PLXNA4: variants seen among roughly 807,000 people sequenced by gnomAD.
The protein encoded by PLXNA4 is plexin A4, also known as plexin-A4.
In PLXNA4, 44 loss-of-function variants were observed where a neutral mutation model predicts 191.8. The ratio of observed to expected loss-of-function variants is 0.23; its 90% CI spans 0.18 to 0.29. The LOEUF is 0.29. Among genes scored for constraint, PLXNA4 ranks in the 10% least tolerant of loss-of-function variants. The pLI is 1.00. For synonymous variants in PLXNA4, 1,082 were observed against 1,009.5 expected (o/e 1.07, Z -1.36); for missense variants, 1,800 against 2,488.8 (o/e 0.72, Z 5.89).
intron 4 of PLXNA4, among the ~76,000 whole-genome samples, chr7:132,272,611 T>C (rs1800118665): frequency 6.6e-6 from 1 of 152,246 alleles, no homozygotes; most frequent in Non-Finnish European, 1.5e-5. Context: ...GGGGTTCTTT[T>C]AGTATGATAC....
At chr7:132,149,635 T>TC (rs1795536980) in intron 25 of PLXNA4, among the ~76,000 whole-genome samples, 1 of 152,132 alleles carries the variant, frequency 6.6e-6, no homozygotes, top group African/African-American at 2.4e-5. Context: ...AAGCCAGACG[T>TC]TTGGTTTCCA....
At chr7:132,535,328 C>A (rs895446247) in intron 1 of PLXNA4, among the ~76,000 whole-genome samples, 1 of 152,216 alleles carries the variant, frequency 6.6e-6, no homozygotes, top group Non-Finnish European at 1.5e-5. Context: ...CATTCCCCAA[C>A]TTTGTTGAGG....
chr7:132,145,172 A>G lies in PLXNA4; in HGVS notation c.5172T>C (p.Ala1724=), dbSNP rs138367497. 10 of 1,614,190 alleles carry G rather than the reference A, an allele frequency of 6.2e-6. No individual in the cohort carries two copies. Among genetic ancestry groups the G allele is most frequent in the Non-Finnish European group, 8.5e-6 (10 of 1,180,036 alleles). Residue 1724 remains alanine, a synonymous_variant, in exon 29 of 32, where the codon GCT becomes GCC. Transcript: ENST00000321063. ...GCGGGTCATGAATGCCATGTTTATC[A>G]GCCTGCTCATCCAGGAAGTCAAACA... is the stretch of plus-strand genomic sequence containing the variant. ...KYMFDFLDEQ[A]DKHGIHDPHV... is the part of the protein sequence containing the mutation.
chr7:132,539,099 G>A (rs1254485155), intron 1 of PLXNA4, among the ~76,000 whole-genome samples: 1 of 152,124 alleles, frequency 6.6e-6, no homozygotes, highest in Non-Finnish European at 1.5e-5. Context: ...CCTGCTACAA[G>A]GCCCCAGGAC....
At chr7:132,424,353 T>G (rs1405117303) in intron 3 of PLXNA4, among the ~76,000 whole-genome samples, 1 of 152,218 alleles carries the variant, frequency 6.6e-6, no homozygotes, top group Non-Finnish European at 1.5e-5. Context: ...ACTCTATGGC[T>G]GAAGGGGCTG....
chr7:132,447,200 A>G (rs1795944891), intron 3 of PLXNA4, among the ~76,000 whole-genome samples: 1 of 152,152 alleles, frequency 6.6e-6, no homozygotes, highest in African/African-American at 2.4e-5. Context: ...AGAATGGAAT[A>G]GCGCATCACC....
intron 3 of PLXNA4, among the ~76,000 whole-genome samples, chr7:132,314,435 C>T (rs888074025): frequency 1.6e-4 from 25 of 152,276 alleles, no homozygotes; most frequent in African/African-American, 5.5e-4. Context: ...TGGGTCAGAG[C>T]GTTTAGTCGG....
At chr7:132,168,887 C>A (rs1796200886) in intron 21 of PLXNA4, among the ~76,000 whole-genome samples, 1 of 152,218 alleles carries the variant, frequency 6.6e-6, no homozygotes, top group Non-Finnish European at 1.5e-5. Flanking sequence ...TTGATGAGGG[C>A]CCCTGTGTCA....
chr7:132,347,333 C>A (rs1442424451), intron 3 of PLXNA4, among the ~76,000 whole-genome samples: 1 of 152,160 alleles, frequency 6.6e-6, no homozygotes, highest in East Asian at 1.9e-4. Flanking sequence ...TGACAACCAC[C>A]CAGGCCAAGG....
intron 2 of PLXNA4, among the ~76,000 whole-genome samples, chr7:132,499,714 T>C (rs1052206703): frequency 6.6e-6 from 1 of 152,170 alleles, no homozygotes; most frequent in Non-Finnish European, 1.5e-5. Flanking sequence ...CCCTCATTAG[T>C]GGAAATAAAT....
At chr7:132,219,753 T>C (rs1798082159) in intron 9 of PLXNA4, among the ~76,000 whole-genome samples, 2 of 152,158 alleles carry the variant, frequency 1.3e-5, no homozygotes, top group South Asian at 2.1e-4. Flanking sequence ...AAACTATATA[T>C]ATAGAGCAGA....
At chr7:132,317,082 A>T (rs1230928523) in intron 3 of PLXNA4, among the ~76,000 whole-genome samples, 2 of 151,558 alleles carry the variant, frequency 1.3e-5, no homozygotes, top group African/African-American at 2.4e-5. Flanking sequence ...ATTGGATTGG[A>T]TTGTGTTGTG....
At chr7:132,161,607 C>G (rs1486402489) in intron 24 of PLXNA4, among the ~76,000 whole-genome samples, 1 of 152,192 alleles carries the variant, frequency 6.6e-6, no homozygotes, top group East Asian at 1.9e-4. Context: ...AGCTAGTGCT[C>G]CCAGGTTCCC....
chr7:132,368,827 G>A (rs116670052), intron 3 of PLXNA4, among the ~76,000 whole-genome samples: 6 of 152,286 alleles, frequency 3.9e-5, no homozygotes, highest in Non-Finnish European at 5.9e-5. Context: ...GTCACCAGCC[G>A]CCAGCCATGT....
intron 4 of PLXNA4, among the ~76,000 whole-genome samples, chr7:132,251,276 C>T (rs564792736): frequency 1.4e-4 from 22 of 152,238 alleles, no homozygotes; most frequent in Middle Eastern, 6.8e-3. Context: ...AGAAAAGTAT[C>T]GGTTGGCTTA....
chr7:132,317,629 C>T (rs1313340709), intron 3 of PLXNA4, among the ~76,000 whole-genome samples: 2 of 152,176 alleles, frequency 1.3e-5, no homozygotes, highest in African/African-American at 4.8e-5. Flanking sequence ...GTCTGGGATT[C>T]ACTAGCATAG....
At chr7:132,218,170 A>G (rs1287321824) in intron 9 of PLXNA4, among the ~76,000 whole-genome samples, 1 of 152,130 alleles carries the variant, frequency 6.6e-6, no homozygotes, top group Non-Finnish European at 1.5e-5. Flanking sequence ...CCGGCTCTTC[A>G]GTCCTGGAGA....
At chr7:132,187,298 A>T (rs1796912035) in intron 15 of PLXNA4, among the ~76,000 whole-genome samples, 173 bp downstream of exon 15, 1 of 152,106 alleles carries the variant, frequency 6.6e-6, no homozygotes, top group Non-Finnish European at 1.5e-5. Context: ...TTCTTTCTCT[A>T]TTGCAATAAT....
chr7:132,402,815 G>A (rs959272302), intron 3 of PLXNA4, among the ~76,000 whole-genome samples: 2 of 152,320 alleles, frequency 1.3e-5, no homozygotes, highest in Admixed American at 6.5e-5. Context: ...GGCTGGGAAC[G>A]CCACCTCCAG....
Sources: allele counts gnomAD v4.1 joint callset (sites outside exome capture counted in the v4.1 genomes callset), GRCh38; gene constraint gnomAD v4.1.1; transcripts MANE v1.5; gene names NCBI Gene and HGNC (gene_info 2026-07-23, HGNC 2026-07-21).